The following USP22 variants were observed in gnomAD, a reference collection of about 807,000 sequenced individuals.
The protein encoded by USP22 is ubiquitin carboxyl-terminal hydrolase 22.
USP22 carries 22 observed loss-of-function variants against 68.1 expected under a neutral mutation model. That is an observed-to-expected ratio of 0.32 (90% CI 0.23 to 0.46). The LOEUF is 0.46. USP22 is among the 20% of genes least tolerant of loss of function. The pLI is 1.00. For synonymous variants in USP22, 279 were observed against 274.2 expected (o/e 1.02, Z -0.17); for missense variants, 433 against 695.8 (o/e 0.62, Z 4.25).
In USP22 at chr17:21,012,951, G is replaced by A. The variant is rs752952395; in HGVS notation, c.839-16C>T. ...TTGTCATCACCTGGAGACAGACCAC[G>A]GCTCTGGGATTAGTGTCTCCCCAAA... On this transcript the variant is annotated splice_polypyrimidine_tract_variant and intron_variant, in intron 6 of 12. Coordinates refer to ENST00000261497, the MANE Select transcript of USP22 (RefSeq NM_015276.2). The A allele has an allele frequency of 6.8e-6, 11 of 1,611,024 alleles. No homozygotes were observed. Among genetic ancestry groups the A allele is most frequent in the African/African-American group, 5.3e-5 (4 of 74,812 alleles).
Position 21,004,285 on chromosome 17 carries a change from G to A in USP22, c.1452C>T (p.Ile484=). ...TGAACCACTGGTCTTTGTGCTGCCG[G>A]ATAAAGCTGGTGTAGTGGCCACTCT... is the stretch of plus-strand genomic sequence containing the variant. ...TLESGHYTSF[I]RQHKDQWFKC... The change falls in exon 12 of 13, where the codon ATC becomes ATT. Residue 484 remains isoleucine, a synonymous_variant. Coordinates refer to ENST00000261497, the MANE Select transcript of USP22 (RefSeq NM_015276.2). The A allele has an allele frequency of 6.2e-7, 1 of 1,614,196 alleles. No individual in the cohort carries two copies. The highest frequency in any genetic ancestry group is 8.5e-7 in the Non-Finnish European group (1 of 1,180,032).
intron 11 of USP22, among the ~76,000 whole-genome samples, 166 bp downstream of exon 11, chr17:21,004,762 C>A (rs1286667419): frequency 2.0e-5 from 3 of 151,056 alleles, no homozygotes; most frequent in Non-Finnish European, 4.4e-5. Context: ...CGTGGAGCGG[C>A]CTTTCCTAGT....
chr17:21,017,942 C>G lies in USP22; in HGVS notation c.690G>C (p.Glu230Asp). Residue 230 changes from glutamate to aspartate, a missense_variant and splice_region_variant, in exon 5 of 13, where the codon GAG becomes GAC. This residue lies in a region of USP22 where 144 missense variants were observed against 237.2 expected (regional missense o/e 0.61). Transcript: ENST00000261497. Reference sequence around the variant, plus strand: ...CCCTGCAGAAGTCAATGGCGCTCACCTCCTGAAACAGTGAGGACATCTCAC... The same window carrying G: ...CCCTGCAGAAGTCAATGGCGCTCACGTCCTGAAACAGTGAGGACATCTCAC... ...LVCEMSSLFQ[E>D]FYSGHRSPHI... 1 of 1,614,016 alleles carries G rather than the reference C, an allele frequency of 6.2e-7. No homozygotes were observed. Among genetic ancestry groups the G allele is most frequent in the Non-Finnish European group, 8.5e-7 (1 of 1,180,002 alleles).
At chr17:21,028,515 TCCC>T (rs753215969) in intron 2 of USP22, 24 bp downstream of exon 2, 2 of 1,610,696 alleles carry the variant, frequency 1.2e-6, no homozygotes, top group Middle Eastern at 1.8e-4. Context: ...GCCACAACTA[TCCC>T]CCCATCCCAG....
intron 1 of USP22, among the ~76,000 whole-genome samples, chr17:21,029,499 G>A (rs1972263022): frequency 6.6e-6 from 1 of 152,098 alleles, no homozygotes; most frequent in Non-Finnish European, 1.5e-5. Flanking sequence ...ATCGTAAAAA[G>A]ACAAAAATAC....
intron 1 of USP22, among the ~76,000 whole-genome samples, chr17:21,029,444 T>C (rs895570722): frequency 6.6e-6 from 1 of 152,236 alleles, no homozygotes; most frequent in Non-Finnish European, 1.5e-5. Flanking sequence ...ATTAATACTA[T>C]ACAAACACAA....
chr17:21,028,477 C>CA (rs904322092), intron 2 of USP22, 65 bp downstream of exon 2: 3 of 1,588,064 alleles, frequency 1.9e-6, no homozygotes, highest in Non-Finnish European at 2.6e-6. Context: ...AACTGCAAAT[C>CA]AAAAAATCAA....
At chr17:21,040,945 C>T (rs1443755640) in intron 1 of USP22, among the ~76,000 whole-genome samples, 1 of 150,228 alleles carries the variant, frequency 6.7e-6, no homozygotes, top group Non-Finnish European at 1.5e-5. Flanking sequence ...AGTACAGTGG[C>T]GCGATCACTG....
rs1374061733 is a variant in USP22, at chr17:21,002,996, A to G, written c.*35T>C. 6.2e-7 allele frequency: 1 copy of G among 1,611,922 alleles called. No homozygotes were observed. Among genetic ancestry groups the G allele is most frequent in the East Asian group, 2.2e-5 (1 of 44,844 alleles). On this transcript the variant is annotated 3_prime_UTR_variant, in exon 13 of 13. Transcript: ENST00000261497. ...ATCACTTTGTGAGGCTTGCCAATGCATTGCCTTTGTTTTTCTGACCAGCTG... is the reference window on the plus strand; with the variant it reads ...ATCACTTTGTGAGGCTTGCCAATGCGTTGCCTTTGTTTTTCTGACCAGCTG...
intron 2 of USP22, among the ~76,000 whole-genome samples, chr17:21,024,709 T>C (rs190285012): frequency 1.3e-5 from 2 of 152,340 alleles, no homozygotes; most frequent in Admixed American, 1.3e-4. Context: ...AGCTCACACC[T>C]GGAATCCCAG....
chr17:21,022,174 T>C (rs1395879887), intron 2 of USP22, among the ~76,000 whole-genome samples: 1 of 152,168 alleles, frequency 6.6e-6, no homozygotes, highest in African/African-American at 2.4e-5. Context: ...GAGATACATA[T>C]GTATGTATAA....
At position 21,019,119 on chromosome 17, in the gene USP22, G is replaced by T. The variant is rs1343244420; in HGVS notation, c.485C>A (p.Pro162Gln). The T allele has an allele frequency of 6.2e-7, 1 of 1,613,998 alleles. No individual in the cohort carries two copies. Among genetic ancestry groups the T allele is most frequent in the East Asian group, 2.2e-5 (1 of 44,896 alleles). The change falls in exon 4 of 13, where the codon CCG (proline) becomes CAG (glutamine). Residue 162 changes from proline to glutamine, a missense_variant. Transcript: ENST00000261497. ...GTTCGAGGTGATCTTTCTCCTTTTC[G>T]GGTTGTGCTTCAGCAGTTCAAGCTC... is the stretch of plus-strand genomic sequence containing the variant. ...KRELELLKHN[P>Q]KRRKITSNCT...
At position 21,042,670 on chromosome 17, in the gene USP22, GCT is replaced by G; in HGVS notation, c.164_165del (p.Lys55ThrfsTer49). 1.6e-6 allele frequency: 2 copies of G among 1,288,334 alleles called. No individual in the cohort carries two copies. The highest frequency in any genetic ancestry group is 2.0e-6 in the Non-Finnish European group (2 of 1,012,064). The allele number at this position is 1,288,334 out of a possible 1,614,324, so 79.8% of individuals were successfully genotyped here. On this transcript the variant is annotated frameshift_variant, in exon 1 of 13. Transcript: ENST00000261497. LOFTEE classifies it high-confidence loss of function. ...CGGTGGGCTGCCGGGCGCACCTTGCGCTTGCGGGCCTCAGCCGTGCCGCTCCA... is the reference window on the plus strand; with the variant it reads ...CGGTGGGCTGCCGGGCGCACCTTGCGTGCGGGCCTCAGCCGTGCCGCTCCA... ...FVWSGTAEAR[K>X]RKAKSCICHV...
chr17:21,022,422 T>C (rs1972167979), intron 2 of USP22, among the ~76,000 whole-genome samples: 2 of 152,198 alleles, frequency 1.3e-5, no homozygotes, highest in Non-Finnish European at 2.9e-5. Flanking sequence ...GTTTGGGCTC[T>C]TAATTATTTT....
intron 1 of USP22, among the ~76,000 whole-genome samples, chr17:21,032,920 C>G (rs12936537): frequency 1.4e-5 from 1 of 70,250 alleles, no homozygotes; most frequent in East Asian, 3.9e-4. Context: ...CAGACCCTGT[C>G]TCAAAAAAAA....
intron 1 of USP22, among the ~76,000 whole-genome samples, chr17:21,041,566 C>G (rs1420301068): frequency 6.6e-6 from 1 of 152,186 alleles, no homozygotes; most frequent in Non-Finnish European, 1.5e-5. Context: ...CCACTGCACT[C>G]CAGCCTGGGG....
In USP22 at chr17:21,004,342, C is replaced by A. The variant is rs903992994; in HGVS notation, c.1395G>T (p.Leu465=). ...TCCCTTGATGGTTAACAACAGCAAA[C>A]AGGGAATACCTAGTGCAGGAGCAAA... The part of the protein sequence containing the change: ...DSLNNDNKYS[L]FAVVNHQGTL... The change falls in exon 12 of 13, where the codon CTG becomes CTT. Residue 465 remains leucine, a synonymous_variant. Transcript: ENST00000261497. 4 of 1,614,130 alleles carry A rather than the reference C, an allele frequency of 2.5e-6. No individual in the cohort carries two copies. Among genetic ancestry groups the A allele is most frequent in the East Asian group, 2.2e-5 (1 of 44,888 alleles).
At chr17:21,010,968 A>T (rs1460483618) in intron 8 of USP22, among the ~76,000 whole-genome samples, 183 bp downstream of exon 8, 1 of 152,280 alleles carries the variant, frequency 6.6e-6, no homozygotes, top group Non-Finnish European at 1.5e-5. Flanking sequence ...GGACAGAAAT[A>T]TTGAGTCATC....
chr17:21,035,214 A>G (rs957113931), intron 1 of USP22, among the ~76,000 whole-genome samples: 3 of 152,196 alleles, frequency 2.0e-5, no homozygotes, highest in African/African-American at 4.8e-5. Flanking sequence ...TTAATCTACC[A>G]TTCTCACTTA....
Sources: allele counts gnomAD v4.1 joint callset (sites outside exome capture counted in the v4.1 genomes callset), GRCh38; gene constraint gnomAD v4.1.1; regional missense constraint gnomAD v4.1.1; transcripts MANE v1.5; gene names NCBI Gene and HGNC (gene_info 2026-07-23, HGNC 2026-07-21).